The following PGBD2 variants were observed in gnomAD, a reference collection of about 807,000 sequenced individuals.
PGBD2 encodes the protein piggyBac transposable element derived 2, also known as piggyBac transposable element-derived protein 2.
PGBD2 carries 6 observed loss-of-function variants against 8.1 expected under a neutral mutation model. The ratio of observed to expected loss-of-function variants is 0.74; its 90% CI spans 0.40 to 1.46. The LOEUF (loss-of-function observed/expected upper bound fraction) is 1.46, where lower values mean the gene tolerates loss of function less well. Ranked by LOEUF, PGBD2 falls within the 40% of genes most tolerant of loss-of-function variation. The pLI is 0.02. For synonymous variants in PGBD2, 318 were observed against 272.2 expected (o/e 1.17, Z -1.66); for missense variants, 802 against 739.0 (o/e 1.09, Z -0.99).
Position 248,917,547 on chromosome 1 carries a change from C to T in PGBD2, c.963C>T (p.Asp321=). 1.2e-6 allele frequency: 2 copies of T among 1,614,186 alleles called. No individual in the cohort carries two copies. The highest frequency in any genetic ancestry group is 8.5e-7 in the Non-Finnish European group (1 of 1,180,026). Residue 321 remains aspartate, a synonymous_variant, in exon 3 of 3, where the codon GAC becomes GAT. Transcript: ENST00000329291. ...AGGGCACACTGTTTACCAAGCCAGACAGGAGCTTGGATCTAGGAGGCAGTA... is the reference window on the plus strand; with the variant it reads ...AGGGCACACTGTTTACCAAGCCAGATAGGAGCTTGGATCTAGGAGGCAGTA... ...PSQGTLFTKP[D]RSLDLGGSMV... is the part of the protein sequence containing the mutation.
chr1:248,887,697 C>T, the PGBD2 span, among the ~76,000 whole-genome samples: 5 of 152,074 alleles, frequency 3.3e-5, no homozygotes, highest in South Asian at 4.1e-4. Context: ...ATTTTAGATT[C>T]AGGGGGTACT....
chr1:248,878,429 G>A, the PGBD2 span, among the ~76,000 whole-genome samples: 1 of 152,108 alleles, frequency 6.6e-6, no homozygotes, highest in South Asian at 2.1e-4. Flanking sequence ...CGCCCGCCTC[G>A]GCCTCCCAAA....
chr1:248,913,511 A>G (rs1369500119), intron 1 of PGBD2, among the ~76,000 whole-genome samples: 5 of 152,060 alleles, frequency 3.3e-5, no homozygotes, highest in Admixed American at 2.0e-4. Context: ...GGGATGTTCT[A>G]CTGGCATCTA....
At chr1:248,929,439 T>G in the PGBD2 span, among the ~76,000 whole-genome samples, 7 of 152,242 alleles carry the variant, frequency 4.6e-5, no homozygotes, top group Non-Finnish European at 1.0e-4. Context: ...TTTGCTGTGA[T>G]GAGGCTGGCA....
At chr1:248,897,183 T>C in the PGBD2 span, among the ~76,000 whole-genome samples, 1 of 151,376 alleles carries the variant, frequency 6.6e-6, no homozygotes, top group East Asian at 1.9e-4. Context: ...CTCTTCCTTA[T>C]GTGAAGGTGC....
At chr1:248,885,304 T>G in the PGBD2 span, among the ~76,000 whole-genome samples, 1 of 146,866 alleles carries the variant, frequency 6.8e-6, no homozygotes, top group South Asian at 2.1e-4. Context: ...CTGGCTACTT[T>G]TTAATTTTTT....
upstream of PGBD2, chr1:248,906,114 C>T (rs1359817834): frequency 6.7e-6 from 1 of 150,342 alleles, no homozygotes; most frequent in African/African-American, 2.5e-5. Context: ...CAGGCGTTTT[C>T]GGGATCCCTC....
chr1:248,908,354 G>A (rs1661733587), intron 1 of PGBD2, among the ~76,000 whole-genome samples: 1 of 152,096 alleles, frequency 6.6e-6, no homozygotes, highest in South Asian at 2.1e-4. Context: ...TGGGCAGCTC[G>A]TGACCACCCT....
chr1:248,912,960 G>A (rs1213344321), intron 1 of PGBD2, among the ~76,000 whole-genome samples: 1 of 151,812 alleles, frequency 6.6e-6, no homozygotes, highest in East Asian at 1.9e-4. Context: ...GTGCCACCAC[G>A]CCTGGCTAAT....
chr1:248,914,783 C>T (rs954522927), intron 2 of PGBD2, among the ~76,000 whole-genome samples: 2 of 152,202 alleles, frequency 1.3e-5, no homozygotes, highest in Non-Finnish European at 2.9e-5. Context: ...CCTGGGGCTA[C>T]GTATGGCAGC....
Position 248,917,067 on chromosome 1 carries a change from C to G in PGBD2, c.483C>G (p.Thr161=). 1 of 1,613,576 alleles carries G rather than the reference C, an allele frequency of 6.2e-7. No individual in the cohort carries two copies. Among genetic ancestry groups the G allele is most frequent in the Non-Finnish European group, 8.5e-7 (1 of 1,179,914 alleles). The part of the protein sequence containing the change: ...EGTINFIVNE[T]NRYAWQKNVN... ...CAATTAATTTCATTGTTAATGAAAC[C>G]AATCGTTATGCTTGGCAGAAAAATG... The change falls in exon 3 of 3, where the codon ACC becomes ACG. Residue 161 remains threonine, a synonymous_variant. Coordinates refer to ENST00000329291, the MANE Select transcript of PGBD2 (RefSeq NM_170725.3).
intron 1 of PGBD2, among the ~76,000 whole-genome samples, chr1:248,913,328 T>C (rs976668205): frequency 9.9e-5 from 15 of 152,218 alleles, no homozygotes; most frequent in African/African-American, 3.4e-4. Flanking sequence ...TTTATAGTTA[T>C]ATAAGTGGTG....
At position 248,917,113 on chromosome 1, in the gene PGBD2, C is replaced by G. The variant is rs1226048294; in HGVS notation, c.529C>G (p.Gln177Glu). Residue 177 changes from glutamine (Q) to glutamate (E), a missense_variant, in exon 3 of 3, where the codon CAG becomes GAG. Gln to Glu is a conservative substitution (Grantham distance 29, BLOSUM62 2). Transcript: ENST00000329291. The stretch of plus-strand genomic sequence containing the variant: ...AAATGTCAATTTGAGTCTTACGGCT[C>G]AGGAATTGAAGTGTGTTTTGGGCAT... ...QKNVNLSLTAQELKCVLGILI... is the reference protein window; with the variant it reads ...QKNVNLSLTAEELKCVLGILI... The G allele has an allele frequency of 6.2e-7, 1 of 1,613,986 alleles. No homozygotes were observed.
Position 248,917,754 on chromosome 1 carries a change from G to GA in PGBD2, c.1177dup (p.Met393AsnfsTer7). The GA allele has an allele frequency of 1.9e-6, 3 of 1,613,990 alleles. No homozygotes were observed. Among genetic ancestry groups the GA allele is most frequent in the Non-Finnish European group, 2.5e-6 (3 of 1,179,958 alleles). ...GTCCCCTAAAAGACCCCAAAGAACT[G>GA]AAAAAAATGAAGAGGGGTTCATTTG... On this transcript the variant is annotated frameshift_variant, in exon 3 of 3. Transcript: ENST00000329291. LOFTEE classifies it low-confidence loss of function (END_TRUNC).
At chr1:248,895,422 A>T in the PGBD2 span, among the ~76,000 whole-genome samples, 3 of 152,202 alleles carry the variant, frequency 2.0e-5, no homozygotes, top group African/African-American at 7.2e-5. Flanking sequence ...CTGCTGCTCA[A>T]GGAAGCAAGA....
the PGBD2 span, among the ~76,000 whole-genome samples, chr1:248,873,901 C>T: frequency 5.9e-5 from 9 of 152,316 alleles, no homozygotes; most frequent in African/African-American, 1.2e-4. Context: ...AGGTAAGCAC[C>T]TTGCCTGCGG....
At chr1:248,878,702 C>A in the PGBD2 span, among the ~76,000 whole-genome samples, 5 of 152,132 alleles carry the variant, frequency 3.3e-5, no homozygotes, top group Non-Finnish European at 5.9e-5. Flanking sequence ...ATTGTATAAC[C>A]CATTTATCTG....
chr1:248,882,967 T>C, the PGBD2 span, among the ~76,000 whole-genome samples: 1 of 152,208 alleles, frequency 6.6e-6, no homozygotes, highest in African/African-American at 2.4e-5. Context: ...TTAGAAAGCT[T>C]ACTTGTGATC....
downstream of PGBD2, among the ~76,000 whole-genome samples, chr1:248,921,192 G>A (rs1662279171): frequency 6.6e-6 from 1 of 152,148 alleles, no homozygotes; most frequent in South Asian, 2.1e-4. Context: ...TGCTTTTGGT[G>A]TTTTAGACAT....
Sources: allele counts gnomAD v4.1 joint callset (sites outside exome capture counted in the v4.1 genomes callset), GRCh38; gene constraint gnomAD v4.1.1; transcripts MANE v1.5; gene names NCBI Gene and HGNC (gene_info 2026-07-23, HGNC 2026-07-21).